UBE3A: variants seen among roughly 807,000 people sequenced by gnomAD.
The protein encoded by UBE3A is ubiquitin-protein ligase E3A.
Under a neutral mutation model 83.4 loss-of-function variants are expected in UBE3A, and 6 were observed. The ratio of observed to expected loss-of-function variants is 0.07; its 90% CI spans 0.04 to 0.14. UBE3A has a LOEUF of 0.14. Ranked by LOEUF, UBE3A falls within the 10% of genes least tolerant of loss-of-function variation. The pLI is 1.00. For missense variants in UBE3A, 456 were observed against 1,036.1 expected (o/e 0.44, Z 7.69); for synonymous variants, 337 against 355.4 (o/e 0.95, Z 0.58).
chr15:25,371,822 CAG>C lies in UBE3A; in HGVS notation c.362-12_362-11del. 1 of 1,600,552 alleles carries C rather than the reference CAG, an allele frequency of 6.2e-7. No homozygotes were observed. The highest frequency in any genetic ancestry group is 8.5e-7 in the Non-Finnish European group (1 of 1,177,602). Reference sequence around the variant, plus strand: ...GTTAAGTAAGTCACATCTAGAAAATCAGAGGAAAAAAGAGAACATTTATTTTC... The same window carrying C: ...GTTAAGTAAGTCACATCTAGAAAATCAGGAAAAAAGAGAACATTTATTTTC... On this transcript the variant is annotated splice_polypyrimidine_tract_variant and intron_variant, in intron 5 of 12. Coordinates refer to ENST00000648336, the MANE Select transcript of UBE3A (RefSeq NM_130839.5). The surrounding 1 kb of genome is among the most constrained non-coding windows in gnomAD (Gnocchi z 5.3).
intron 6 of UBE3A, among the ~76,000 whole-genome samples, chr15:25,366,317 G>A (rs1373322306): frequency 1.3e-5 from 2 of 152,166 alleles, no homozygotes; most frequent in East Asian, 3.8e-4. Flanking sequence ...AGCTCTGTGA[G>A]TCAATGAATA....
chr15:25,430,034 T>TATATATATA (rs1892630550), intron 1 of UBE3A, among the ~76,000 whole-genome samples: 1 of 111,328 alleles, frequency 9.0e-6, no homozygotes, highest in African/African-American at 4.1e-5. Flanking sequence ...AACCTATATA[T>TATATATATA]ATATATATAT....
chr15:25,383,039 A>G (rs1309996703), intron 4 of UBE3A, among the ~76,000 whole-genome samples: 3 of 152,194 alleles, frequency 2.0e-5, no homozygotes, highest in African/African-American at 7.2e-5. Flanking sequence ...AGAGGACAGA[A>G]CACTTTCAAA....
rs1895928165 is a variant in UBE3A, at chr15:25,438,720, T to A, written c.-396A>T. 1 of 152,352 alleles carries A rather than the reference T, an allele frequency of 6.6e-6. No individual in the cohort carries two copies. The highest frequency in any genetic ancestry group is 2.1e-4 in the South Asian group (1 of 4,866). The allele number at this position is 152,352 out of a possible 1,614,324, so 9.4% of individuals were successfully genotyped here. On this transcript the variant is annotated 5_prime_UTR_variant, in exon 1 of 13. Coordinates refer to ENST00000648336, the MANE Select transcript of UBE3A (RefSeq NM_130839.5). Reference sequence around the variant, plus strand: ...CCGCTGCCTGTCCACACCGGGGGGCTGAGGGGCCCTCCTGCCAGGGGCTAC... The same window carrying A: ...CCGCTGCCTGTCCACACCGGGGGGCAGAGGGGCCCTCCTGCCAGGGGCTAC...
Position 25,375,613 on chromosome 15 carries a change from C to A in UBE3A, c.213G>T (p.Glu71Asp). The change falls in exon 5 of 13, where the codon GAG (glutamate) becomes GAT (aspartate). Residue 71 changes from glutamate to aspartate, a missense_variant. Glu to Asp is a conservative substitution (Grantham distance 45). Coordinates refer to ENST00000648336, the MANE Select transcript of UBE3A (RefSeq NM_130839.5). Reference protein sequence around the residue: ...DNNAAAIKALELYKINAKLCD... With the variant: ...DNNAAAIKALDLYKINAKLCD... ...AGAGTTTTGCATTAATCTTATAAAG[C>A]TCGAGGGCTTTAATAGCTGCTGCAT... 1 of 1,614,136 alleles carries A rather than the reference C, an allele frequency of 6.2e-7. No homozygotes were observed. Among genetic ancestry groups the A allele is most frequent in the Non-Finnish European group, 8.5e-7 (1 of 1,180,026 alleles).
chr15:25,372,560 C>T (rs914639259), intron 5 of UBE3A, among the ~76,000 whole-genome samples: 9 of 152,182 alleles, frequency 5.9e-5, no homozygotes, highest in Admixed American at 5.9e-4. Flanking sequence ...AATCTATTTC[C>T]TCTTTTCCTG....
intron 11 of UBE3A, chr15:25,354,078 A>G: frequency 4.0e-6 from 2 of 504,286 alleles, no homozygotes; most frequent in South Asian, 4.7e-5. Context: ...AACCAGCAGT[A>G]AGCATACTCT....
chr15:25,432,040 G>A (rs955396186), intron 1 of UBE3A, among the ~76,000 whole-genome samples: 2 of 152,148 alleles, frequency 1.3e-5, no homozygotes, highest in African/African-American at 4.8e-5. Flanking sequence ...CAGCATTATG[G>A]TTCACATCTG....
intron 11 of UBE3A, among the ~76,000 whole-genome samples, chr15:25,344,449 G>C (rs2075347431): frequency 6.6e-6 from 1 of 151,966 alleles, no homozygotes; most frequent in African/African-American, 2.4e-5. Context: ...ACAATTTATT[G>C]GAAAAATAAC....
chr15:25,354,224 T>C, intron 11 of UBE3A, 129 bp downstream of exon 11: 1 of 777,686 alleles, frequency 1.3e-6, no homozygotes, highest in Non-Finnish European at 2.2e-6. Context: ...CAAATACAAA[T>C]CTAAGTATAT....
intron 11 of UBE3A, chr15:25,346,558 T>C (rs2075721727): frequency 6.6e-6 from 1 of 151,896 alleles, no homozygotes; most frequent in South Asian, 2.1e-4. Context: ...CTGGGATGAG[T>C]AAGATGCTGA....
chr15:25,365,845 T>A (rs73366212), intron 6 of UBE3A, among the ~76,000 whole-genome samples: 2,020 of 152,056 alleles, frequency 0.013, 43 homozygotes, highest in African/African-American at 0.047. Flanking sequence ...TTCCAGATTA[T>A]CCAAATTAAT....
At chr15:25,430,471 C>T (rs937283147) in intron 1 of UBE3A, among the ~76,000 whole-genome samples, 2 of 150,696 alleles carry the variant, frequency 1.3e-5, no homozygotes, top group Non-Finnish European at 2.9e-5. Context: ...AAATCTGGCA[C>T]TGACTAGCAA....
intron 1 of UBE3A, among the ~76,000 whole-genome samples, chr15:25,422,910 A>C (rs1890251374): frequency 1.3e-5 from 2 of 151,568 alleles, no homozygotes; most frequent in Non-Finnish European, 2.9e-5. Flanking sequence ...AGGCAGGAGG[A>C]TCACTTGAGC....
At chr15:25,362,952 A>G (rs2078364938) in intron 6 of UBE3A, among the ~76,000 whole-genome samples, 1 of 152,210 alleles carries the variant, frequency 6.6e-6, no homozygotes, top group South Asian at 2.1e-4. Context: ...GCTTTTCCCC[A>G]CTAACATTCA....
At position 25,338,971 on chromosome 15, in the gene UBE3A, G is replaced by C. The variant is rs528699460; in HGVS notation, c.*166C>G. On this transcript the variant is annotated 3_prime_UTR_variant, in exon 13 of 13. Coordinates refer to ENST00000648336, the MANE Select transcript of UBE3A (RefSeq NM_130839.5). ...CAGCCCACATGTCCCCAATAAAGAAGGGAGGCACAGACATAGGTGACTACT... is the reference window on the plus strand; with the variant it reads ...CAGCCCACATGTCCCCAATAAAGAACGGAGGCACAGACATAGGTGACTACT... 1 of 576,824 alleles carries C rather than the reference G, an allele frequency of 1.7e-6. No homozygotes were observed. Among genetic ancestry groups the C allele is most frequent in the East Asian group, 3.5e-5 (1 of 28,348 alleles). The allele number at this position is 576,824 out of a possible 1,614,324, so 35.7% of individuals were successfully genotyped here.
rs201099645 is a variant in UBE3A at position 25,376,666 on chromosome 15, CAAAAAG to C, written c.63-909_63-904del. The stretch of plus-strand genomic sequence containing the variant: ...CAAAAACAAACAAACAAACAAAAAC[CAAAAAG>C]AAAAAGAAAAAGAGGCTCCAAAGTG... On this transcript the variant is annotated intron_variant, in intron 4 of 12. Transcript: ENST00000648336. Among the ~76,000 whole-genome samples, 1,071 of 151,950 alleles carry C rather than the reference CAAAAAG, an allele frequency of 7.0e-3. 12 individuals carry two copies. Among genetic ancestry groups the C allele is most frequent in the African/African-American group, 0.024 (1,010 of 41,454 alleles).
intron 4 of UBE3A, among the ~76,000 whole-genome samples, chr15:25,399,526 T>C (rs2086556264): frequency 6.6e-6 from 1 of 152,290 alleles, no homozygotes; most frequent in African/African-American, 2.4e-5. Context: ...AATTTATTTC[T>C]GTGCTCTCCA....
At chr15:25,367,097 A>G (rs2079239471) in intron 6 of UBE3A, among the ~76,000 whole-genome samples, 1 of 151,526 alleles carries the variant, frequency 6.6e-6, no homozygotes, top group Admixed American at 6.6e-5. Flanking sequence ...AATACATACT[A>G]TCATTGGAAG....
Sources: gnomAD v4.1 joint callset for allele counts (sites outside exome capture counted in the v4.1 genomes callset) on GRCh38, gnomAD v4.1.1 for gene constraint, Gnocchi (gnomAD v3.1) non-coding constraint, MANE v1.5 for transcripts, NCBI Gene and HGNC (gene_info 2026-07-23, HGNC 2026-07-21) for gene names.